Variants in RP1 observed in about 807,000 individuals in gnomAD.
The protein encoded by RP1 is oxygen-regulated protein 1.
In RP1, 16 loss-of-function variants were observed where a neutral mutation model predicts 14.8. The ratio of observed to expected loss-of-function variants is 1.08; its 90% CI spans 0.73 to 1.65. RP1 has a LOEUF of 1.65. Ranked by LOEUF, RP1 falls within the 40% of genes most tolerant of loss-of-function variation. The probability of loss-of-function intolerance (pLI) is 0.00; values close to 1 mark genes in which losing one functional copy is unlikely to be tolerated. For missense variants in RP1, 2,631 were observed against 2,535.0 expected (o/e 1.04, Z -0.81); for synonymous variants, 876 against 883.6 (o/e 0.99, Z 0.15).
intron 25 of RP1, among the ~76,000 whole-genome samples, chr8:54,844,264 A>G (rs563279916): frequency 1.3e-5 from 2 of 152,332 alleles, no homozygotes; most frequent in African/African-American, 4.8e-5. Context: ...ATAAATATTT[A>G]GCTCAATTTA....
intron 1 of RP1, among the ~76,000 whole-genome samples, chr8:54,593,829 C>T (rs1359595123): frequency 6.6e-6 from 1 of 152,192 alleles, no homozygotes; most frequent in Non-Finnish European, 1.5e-5. Context: ...TCAGTCTAAT[C>T]CGTGGGGTGC....
At chr8:54,607,035 C>T (rs534190950) in intron 1 of RP1, among the ~76,000 whole-genome samples, 9 of 152,198 alleles carry the variant, frequency 5.9e-5, no homozygotes, top group Non-Finnish European at 1.5e-5. Flanking sequence ...AAGTCTTCTT[C>T]TCTCAACTCG....
chr8:54,865,504 T>C (rs896641784), intron 27 of RP1, among the ~76,000 whole-genome samples: 2 of 152,176 alleles, frequency 1.3e-5, no homozygotes, highest in Non-Finnish European at 2.9e-5. Context: ...TTTAAACTTA[T>C]AAATCTTCTA....
At chr8:54,672,222 T>C (rs1807195942) in intron 7 of RP1, among the ~76,000 whole-genome samples, 1 of 152,154 alleles carries the variant, frequency 6.6e-6, no homozygotes, top group African/African-American at 2.4e-5. Context: ...CTATCTGCCA[T>C]TTCTGCCATG....
chr8:54,787,717 T>C (rs1391396578), intron 24 of RP1, among the ~76,000 whole-genome samples: 1 of 152,196 alleles, frequency 6.6e-6, no homozygotes, highest in Non-Finnish European at 1.5e-5. Context: ...ATTTTGTAGA[T>C]GAAAAGGTTT....
chr8:54,851,982 ATTAT>A (rs1812069609), intron 25 of RP1, among the ~76,000 whole-genome samples: 2 of 152,210 alleles, frequency 1.3e-5, no homozygotes, highest in African/African-American at 4.8e-5. Flanking sequence ...CGCTTTTCTA[ATTAT>A]TTATTTCTAT....
At chr8:54,616,795 G>A (rs1199305471) in intron 1 of RP1, among the ~76,000 whole-genome samples, 1 of 152,170 alleles carries the variant, frequency 6.6e-6, no homozygotes, top group Non-Finnish European at 1.5e-5. Context: ...AATATAATTA[G>A]TGAAATGACG....
intron 25 of RP1, among the ~76,000 whole-genome samples, chr8:54,846,777 G>A (rs1231640327): frequency 6.6e-6 from 1 of 152,036 alleles, no homozygotes; most frequent in Non-Finnish European, 1.5e-5. Context: ...CTGAAGGTGC[G>A]AGGGCCACCT....
In RP1 at chr8:54,630,189, G is replaced by A. The variant is rs1349129955; in HGVS notation, c.6307G>A (p.Ala2103Thr). Residue 2103 changes from alanine to threonine, a missense_variant, in exon 4 of 4, where the codon GCT becomes ACT. By Grantham distance (58) the Ala-to-Thr change is moderately conservative (BLOSUM62 0). Coordinates refer to ENST00000220676, the MANE Select transcript of RP1 (RefSeq NM_006269.2). The stretch of plus-strand genomic sequence containing the variant: ...TTACTTCTTTGAAATGCTTGGTCAA[G>A]CTTGCCTCTTAGATATTTGCCAAGT... ...CHYFFEMLGQ[A>T]CLLDICQVET... is the part of the protein sequence containing the mutation. 1 of 1,613,638 alleles carries A rather than the reference G, an allele frequency of 6.2e-7. No homozygotes were observed. Among genetic ancestry groups the A allele is most frequent in the South Asian group, 1.1e-5 (1 of 91,068 alleles).
At chr8:54,679,727 T>C (rs1807381720) in intron 11 of RP1, 1 of 1,521,762 alleles carries the variant, frequency 6.6e-7, no homozygotes, top group Non-Finnish European at 8.8e-7. Flanking sequence ...TAGTAAGTGC[T>C]GTTTCTTAGC....
intron 12 of RP1, among the ~76,000 whole-genome samples, chr8:54,686,193 A>G (rs1453463075): frequency 6.6e-6 from 1 of 152,152 alleles, no homozygotes; most frequent in Non-Finnish European, 1.5e-5. Flanking sequence ...GAGGTCTTTT[A>G]TGTGTGATAA....
In RP1 at chr8:54,627,937, A is replaced by G; in HGVS notation, c.4055A>G (p.Tyr1352Cys). The G allele has an allele frequency of 6.2e-7, 1 of 1,614,080 alleles. No homozygotes were observed. The highest frequency in any genetic ancestry group is 1.1e-5 in the South Asian group (1 of 91,078). ...TTTTTAAACTCCAAAGAAAACACAT[A>G]TACTGATAACTTGGATTCAACTGAA... is the stretch of plus-strand genomic sequence containing the variant. ...IDFLNSKENT[Y>C]TDNLDSTEEL... Residue 1352 changes from tyrosine to cysteine, a missense_variant, in exon 4 of 4, where the codon TAT becomes TGT. Coordinates refer to ENST00000220676, the MANE Select transcript of RP1 (RefSeq NM_006269.2).
intron 23 of RP1, among the ~76,000 whole-genome samples, chr8:54,778,290 C>T (rs954125710): frequency 2.0e-5 from 3 of 148,734 alleles, no homozygotes; most frequent in Non-Finnish European, 3.0e-5. Flanking sequence ...ATTCTGGTTA[C>T]AGGGAGGAAT....
At chr8:54,685,479 A>G (rs1482684375) in intron 12 of RP1, among the ~76,000 whole-genome samples, 1 of 152,118 alleles carries the variant, frequency 6.6e-6, no homozygotes, top group Admixed American at 6.6e-5. Context: ...TGAATTTCTT[A>G]ATTTTGAGTT....
chr8:54,725,026 G>A (rs552523566), intron 16 of RP1, among the ~76,000 whole-genome samples: 2 of 152,104 alleles, frequency 1.3e-5, no homozygotes, highest in African/African-American at 2.4e-5. Flanking sequence ...CAGTTAAAGC[G>A]CTCATCAGTA....
At chr8:54,663,970 A>T (rs1346644588) in intron 7 of RP1, 2 of 979,760 alleles carry the variant, frequency 2.0e-6, no homozygotes, top group East Asian at 3.0e-5. Flanking sequence ...TGTTAAGTAT[A>T]TTCACATTTC....
chr8:54,706,395 C>G (rs1293179796), intron 14 of RP1: 1 of 1,519,022 alleles, frequency 6.6e-7, no homozygotes, highest in Admixed American at 2.0e-5. Flanking sequence ...TCTAGCAAAA[C>G]ACGAGCCCGT....
At chr8:54,828,881 T>C (rs1811451462) in intron 24 of RP1, among the ~76,000 whole-genome samples, 1 of 120,416 alleles carries the variant, frequency 8.3e-6, no homozygotes, top group Admixed American at 9.0e-5. Context: ...TTCTTCTTCT[T>C]CTTTTTTTTT....
chr8:54,721,306 AT>A (rs1213882973), intron 16 of RP1, among the ~76,000 whole-genome samples: 2 of 152,348 alleles, frequency 1.3e-5, no homozygotes, highest in African/African-American at 4.8e-5. Flanking sequence ...ACAGAGTGGC[AT>A]TCTGCCTTGA....
Sources: allele counts gnomAD v4.1 joint callset (sites outside exome capture counted in the v4.1 genomes callset), GRCh38; gene constraint gnomAD v4.1.1; transcripts MANE v1.5; gene names NCBI Gene and HGNC (gene_info 2026-07-23, HGNC 2026-07-21).